Variants in PIK3CA observed in about 807,000 individuals in gnomAD.
PIK3CA encodes the protein phosphatidylinositol-4,5-bisphosphate 3-kinase catalytic subunit alpha.
A neutral mutation model predicts 138.2 loss-of-function variants in PIK3CA; 27 were observed. The ratio of observed to expected loss-of-function variants is 0.20; its 90% CI spans 0.14 to 0.27. The LOEUF (loss-of-function observed/expected upper bound fraction) is 0.27. Among genes scored for constraint, PIK3CA ranks in the 10% least tolerant of loss-of-function variants. The pLI is 1.00. For missense variants in PIK3CA, 544 were observed against 1,277.4 expected, an observed-to-expected ratio of 0.43 and a Z score of 8.75; for synonymous variants, 358 against 413.2, an observed-to-expected ratio of 0.87 and a Z score of 1.62.
intron 1 of PIK3CA, among the ~76,000 whole-genome samples, chr3:179,160,075 A>G (rs539066814): frequency 2.0e-5 from 3 of 152,292 alleles, no homozygotes; most frequent in African/African-American, 7.2e-5. Context: ...CCACGACATT[A>G]CTACACACTA....
At position 179,195,811 on chromosome 3, in the gene PIK3CA, A is replaced by G. The variant is rs886846755; in HGVS notation, c.-76-2939A>G. Among the ~76,000 whole-genome samples, 24 of 152,326 alleles carry G rather than the reference A, an allele frequency of 1.6e-4. 1 individual carries two copies. Among genetic ancestry groups the G allele is most frequent in the African/African-American group, 5.8e-4 (24 of 41,588 alleles). On this transcript the variant is annotated intron_variant, in intron 1 of 20. Transcript: ENST00000263967. Reference sequence around the variant, plus strand: ...AAAGTGTTACTGCCCACCCATGTACATGGTACATACTAAAAAAGCAAATGT... The same window carrying G: ...AAAGTGTTACTGCCCACCCATGTACGTGGTACATACTAAAAAAGCAAATGT...
Position 179,220,139 on chromosome 3 carries a change from CTTTTG to C in PIK3CA, c.2015+91_2015+95del, listed in dbSNP as rs1724932719. On this transcript the variant is annotated intron_variant, in intron 13 of 20. Coordinates refer to ENST00000263967, the MANE Select transcript of PIK3CA (RefSeq NM_006218.4). This position sits in a 1 kb window ranked among gnomAD's most constrained non-coding sequence, Gnocchi z 4.1. ...TTTATAAATATGTATTACTTATATA[CTTTTG>C]TTTATGTTTGGCTGGAAGAGTTTTC... 9.8e-7 allele frequency: 1 copy of C among 1,025,432 alleles called. No homozygotes were observed. The highest frequency in any genetic ancestry group is 3.1e-5 in the Admixed American group (1 of 32,030). 63.5% of individuals were successfully genotyped at this position (1,025,432 alleles called of 1,614,324 possible). A position where few individuals can be genotyped will look rare whatever the true frequency, so the allele number is the denominator to read the frequency against.
intron 1 of PIK3CA, among the ~76,000 whole-genome samples, chr3:179,178,647 A>G (rs143077989): frequency 6.6e-6 from 1 of 152,316 alleles, no homozygotes; most frequent in East Asian, 1.9e-4. Context: ...CCTAGGTTCC[A>G]TGGTTCGCTA....
At chr3:179,218,981 C>T (rs1287589151) in intron 10 of PIK3CA, among the ~76,000 whole-genome samples, 2 of 151,844 alleles carry the variant, frequency 1.3e-5, no homozygotes, top group East Asian at 1.9e-4. Flanking sequence ...TTGCATTTTC[C>T]TTTTGTGTTC....
intron 1 of PIK3CA, among the ~76,000 whole-genome samples, chr3:179,173,932 T>C (rs1474709050): frequency 4.6e-5 from 7 of 151,702 alleles, no homozygotes; most frequent in African/African-American, 1.7e-4. Flanking sequence ...TTCGCTATAT[T>C]GGCCAGGCTG....
chr3:179,190,690 T>C (rs1576928205), intron 1 of PIK3CA, among the ~76,000 whole-genome samples: 1 of 152,172 alleles, frequency 6.6e-6, no homozygotes, highest in African/African-American at 2.4e-5. Flanking sequence ...GAACCGTCTC[T>C]GTCTCCTCTG....
At chr3:179,149,682 TTGTG>T (rs1722959739) in intron 1 of PIK3CA, 1 of 152,174 alleles carries the variant, frequency 6.6e-6, no homozygotes, top group East Asian at 1.9e-4. Context: ...GAATCATAGT[TTGTG>T]TGGCCGGGGA....
rs2108429366 is a variant in PIK3CA, at chr3:179,234,189, C to T, written c.3032C>T (p.Pro1011Leu). 1 of 1,613,646 alleles carries T rather than the reference C, an allele frequency of 6.2e-7. No individual in the cohort carries two copies. Residue 1011 changes from proline (P) to leucine (L), a missense_variant, in exon 21 of 21, where the codon CCA becomes CTA. Physicochemically the swap from Pro to Leu is moderately conservative, Grantham distance 98. Around this residue, in one of 14 missense-constraint regions of PIK3CA, gnomAD observed 12 missense variants for 75.3 expected, o/e 0.16. Transcript: ENST00000263967. This position sits in a 1 kb window ranked among gnomAD's most constrained non-coding sequence, Gnocchi z 5.1. ...TCAATGATGCTTGGCTCTGGAATGC[C>T]AGAACTACAATCTTTTGATGACATT... Reference protein sequence around the residue: ...LFSMMLGSGMPELQSFDDIAY... With the variant: ...LFSMMLGSGMLELQSFDDIAY...
chr3:179,187,470 G>T lies in PIK3CA; in HGVS notation c.-76-11280G>T, dbSNP rs539182589. Among the ~76,000 whole-genome samples the T allele has an allele frequency of 4.2e-3, 610 of 145,988 alleles. 5 individuals are homozygous for T. The highest frequency in any genetic ancestry group is 4.7e-3 in the Admixed American group (69 of 14,770). ...GGAGAATTGCTTGAACCCGGGAGGT[G>T]GAGGTTGCAGTGAGCCGAGATCGCG... On this transcript the variant is annotated intron_variant, in intron 1 of 20. Coordinates refer to ENST00000263967, the MANE Select transcript of PIK3CA (RefSeq NM_006218.4).
Position 179,236,001 on chromosome 3 carries a change from T to C in PIK3CA, c.*1637T>C, listed in dbSNP as rs577374257. The C allele has an allele frequency of 6.0e-4, 126 of 208,626 alleles. No individual in the cohort carries two copies. The highest frequency in any genetic ancestry group is 1.1e-3 in the Non-Finnish European group (110 of 102,364). The allele number at this position is 208,626 out of a possible 1,614,324, so 12.9% of individuals were successfully genotyped here. A position where few individuals can be genotyped will look rare whatever the true frequency, so the allele number is the denominator to read the frequency against. On this transcript the variant is annotated 3_prime_UTR_variant, in exon 21 of 21. Transcript: ENST00000263967. ...CCACATCAAAAAAGTGCAATAATTA[T>C]TGACAGTTTTTTAGATTAGGCATAT...
intron 1 of PIK3CA, among the ~76,000 whole-genome samples, chr3:179,155,664 C>G (rs893078659): frequency 1.3e-5 from 2 of 151,882 alleles, no homozygotes; most frequent in Non-Finnish European, 2.9e-5. Context: ...CATCTGCTAC[C>G]CCATTTTATA....
chr3:179,183,149 A>G (rs1273394663), intron 1 of PIK3CA, among the ~76,000 whole-genome samples: 1 of 152,226 alleles, frequency 6.6e-6, no homozygotes, highest in Non-Finnish European at 1.5e-5. Context: ...CTGAAGGATG[A>G]TAAATCACTA....
rs958511951 is a variant in PIK3CA at position 179,230,796 on chromosome 3, A to G, written c.2936+420A>G. 8.5e-5 allele frequency among the ~76,000 whole-genome samples: 13 copies of G among 152,284 alleles called. No individual in the cohort carries two copies. The highest frequency in any genetic ancestry group is 1.9e-4 in the East Asian group (1 of 5,182). ...ATAATAGAAGTTCTTTTACCACTTC[A>G]GCAAAAACTATTTTTTGTTTGTTTT... On this transcript the variant is annotated intron_variant, in intron 20 of 20. Coordinates refer to ENST00000263967, the MANE Select transcript of PIK3CA (RefSeq NM_006218.4). The surrounding 1 kb of genome is among the most constrained non-coding windows in gnomAD (Gnocchi z 5.4).
At chr3:179,224,349 A>G (rs914542245) in intron 15 of PIK3CA, among the ~76,000 whole-genome samples, 162 bp downstream of exon 15, 1 of 152,156 alleles carries the variant, frequency 6.6e-6, no homozygotes, top group African/African-American at 2.4e-5. Context: ...TCTTAAGTTC[A>G]GTACTGCCTT....
chr3:179,149,112 A>T (rs1223103826), intron 1 of PIK3CA, among the ~76,000 whole-genome samples: 1 of 151,986 alleles, frequency 6.6e-6, no homozygotes, highest in African/African-American at 2.4e-5. Flanking sequence ...ACTGGGTTTA[A>T]ATCGCCCGGC....
intron 9 of PIK3CA, among the ~76,000 whole-genome samples, chr3:179,214,115 C>T (rs1724784617): frequency 6.6e-6 from 1 of 152,190 alleles, no homozygotes; most frequent in Non-Finnish European, 1.5e-5. Flanking sequence ...TCCATTTCAG[C>T]ATTAAGGCTG....
At chr3:179,217,271 G>A (rs1294241925) in intron 9 of PIK3CA, among the ~76,000 whole-genome samples, 1 of 152,078 alleles carries the variant, frequency 6.6e-6, no homozygotes, top group African/African-American at 2.4e-5. Flanking sequence ...ATCATCCAGA[G>A]TACATTATAT....
chr3:179,213,849 C>T (rs560626906), intron 9 of PIK3CA, among the ~76,000 whole-genome samples: 5 of 152,322 alleles, frequency 3.3e-5, no homozygotes, highest in South Asian at 4.1e-4. Flanking sequence ...TTAGTGTAGC[C>T]ACCTTCATCA....
At chr3:179,206,698 T>G (rs114289371) in intron 6 of PIK3CA, among the ~76,000 whole-genome samples, 2,397 of 152,264 alleles carry the variant, frequency 0.016, 94 homozygotes, top group South Asian at 0.13. Context: ...ATGGATCATT[T>G]GAGCCCAGGA....
Sources: gnomAD v4.1 joint callset for allele counts (sites outside exome capture counted in the v4.1 genomes callset) on GRCh38, gnomAD v4.1.1 for gene constraint, gnomAD v4.1.1 regional missense constraint, Gnocchi (gnomAD v3.1) non-coding constraint, MANE v1.5 for transcripts, NCBI Gene and HGNC (gene_info 2026-07-23, HGNC 2026-07-21) for gene names.